The following RYR1 variants were observed in gnomAD, a reference collection of about 807,000 sequenced individuals.
RYR1 encodes central core disease of muscle.
A neutral mutation model predicts 583.5 loss-of-function variants in RYR1; 342 were observed. The observed-to-expected ratio is 0.59, with a 90% CI of 0.54 to 0.64. The LOEUF is 0.64. Among genes scored for constraint, RYR1 ranks in the 30% least tolerant of loss-of-function variants. RYR1 has a pLI of 0.00. For synonymous variants in RYR1, 2,791 were observed against 2,822.5 expected (o/e 0.99, Z 0.35); for missense variants, 6,032 against 6,917.2 (o/e 0.87, Z 4.54).
chr19:38,539,148 C>G (rs2459631), intron 84 of RYR1, among the ~76,000 whole-genome samples: 14,517 of 151,344 alleles, frequency 0.096, 1,433 homozygotes, highest in African/African-American at 0.25. Flanking sequence ...AGTATGATCT[C>G]TTTGTCTTGA....
intron 27 of RYR1, among the ~76,000 whole-genome samples, chr19:38,472,364 G>T (rs1015715683): frequency 1.3e-5 from 2 of 152,044 alleles, no homozygotes; most frequent in Non-Finnish European, 2.9e-5. Context: ...GCCTCCCAAA[G>T]TGCTGGGATT....
Position 38,580,453 on chromosome 19 carries a change from C to G in RYR1, c.14595C>G (p.Asn4865Lys). ...VAFNFFRKFY[N>K]KSEDEDEPDM... ...TCAACTTCTTCCGCAAGTTCTACAACAAGAGCGAGGATGAGGATGAACCTG... is the reference window on the plus strand; with the variant it reads ...TCAACTTCTTCCGCAAGTTCTACAAGAAGAGCGAGGATGAGGATGAACCTG... The change falls in exon 101 of 106, where the codon AAC becomes AAG. Residue 4865 changes from asparagine to lysine, a missense_variant. Around this residue, in one of 11 missense-constraint regions of RYR1, gnomAD observed 189 missense variants for 350.3 expected, o/e 0.54. Transcript: ENST00000359596. 2 of 1,614,182 alleles carry G rather than the reference C, an allele frequency of 1.2e-6. No individual in the cohort carries two copies.
At chr19:38,585,145 C>T (rs746893851) in intron 102 of RYR1, 46 bp downstream of exon 102, 1 of 1,601,518 alleles carries the variant, frequency 6.2e-7, no homozygotes, top group Admixed American at 1.7e-5. Flanking sequence ...CAGGCTAGCT[C>T]CATGGCTAAG....
intron 20 of RYR1, 63 bp from the exon 21 acceptor site, chr19:38,463,360 A>AGG: frequency 7.2e-7 from 1 of 1,395,484 alleles, no homozygotes; most frequent in East Asian, 2.3e-5. Flanking sequence ...TCTTGGAAAG[A>AGG]GGGGTCATGA....
In RYR1 at chr19:38,459,302, T is replaced by C. The variant is rs762109960; in HGVS notation, c.2324T>C (p.Leu775Pro). 3 of 1,613,946 alleles carry C rather than the reference T, an allele frequency of 1.9e-6. No individual in the cohort carries two copies. In the African/African-American group the frequency reaches 4.0e-5, roughly 22 times the overall value. The stretch of plus-strand genomic sequence containing the variant: ...TTTGAGTCCTTCAACCTGGACGGGC[T>C]CTTCTTCCCTGTTGTCAGCTTCTCG... ...GVFESFNLDG[L>P]FFPVVSFSAG... The change falls in exon 19 of 106, where the codon CTC becomes CCC. Residue 775 changes from leucine to proline, a missense_variant. Physicochemically the swap from Leu to Pro is moderately conservative, Grantham distance 98. Around this residue, in one of 11 missense-constraint regions of RYR1, gnomAD observed 2,627 missense variants for 2,961.3 expected, o/e 0.89. Transcript: ENST00000359596.
chr19:38,493,488 G>C (rs1969649698), intron 38 of RYR1, among the ~76,000 whole-genome samples: 1 of 151,354 alleles, frequency 6.6e-6, no homozygotes, highest in Admixed American at 6.6e-5. Context: ...CCCTGCCCAC[G>C]AGTTTAGATT....
chr19:38,473,795 G>C lies in RYR1; in HGVS notation c.4160+24G>C, dbSNP rs1968568447. On this transcript the variant is annotated intron_variant, in intron 28 of 105. Transcript: ENST00000359596. ...GGGTGAGTCGAGGGGGGCCCAGAGT[G>C]GGGATTGGGGGCTGCCTTGGGACCC... 2.7e-6 allele frequency: 4 copies of C among 1,480,550 alleles called. No individual in the cohort carries two copies. The African/African-American group carries it at 4.3e-5, about 16-fold the overall frequency. 91.7% of individuals were successfully genotyped at this position (1,480,550 alleles called of 1,614,324 possible).
chr19:38,513,737 A>G (rs561370585), intron 63 of RYR1, among the ~76,000 whole-genome samples: 1 of 146,982 alleles, frequency 6.8e-6, no homozygotes, highest in Non-Finnish European at 1.5e-5. Flanking sequence ...CTCCATCTCA[A>G]AAAAAAAAAA....
chr19:38,485,482 T>C lies in RYR1; in HGVS notation c.4935-108T>C, dbSNP rs574292166. 4.7e-5 allele frequency: 69 copies of C among 1,455,982 alleles called. 1 individual carries two copies. The East Asian group carries it at 1.4e-3, about 30-fold the overall frequency. 90.2% of individuals were successfully genotyped at this position (1,455,982 alleles called of 1,614,324 possible). A position where few individuals can be genotyped will look rare whatever the true frequency, so the allele number is the denominator to read the frequency against. ...GGTAGGGGTTTGAAGGAAAGACGAA[T>C]GAATAAATGGGTGGATAGTGATGAA... On this transcript the variant is annotated intron_variant, in intron 33 of 105. Transcript: ENST00000359596.
In RYR1 at chr19:38,546,404, G is replaced by A. The variant is rs752026436; in HGVS notation, c.12013-41G>A. Reference sequence around the variant, plus strand: ...GGGAGAAGCAACAGAGGTGGGGGAGGTGTATGCTGAGACCAGCCCTCACCG... The same window carrying A: ...GGGAGAAGCAACAGAGGTGGGGGAGATGTATGCTGAGACCAGCCCTCACCG... On this transcript the variant is annotated intron_variant, in intron 87 of 105. Transcript: ENST00000359596. 1.9e-6 allele frequency: 3 copies of A among 1,557,586 alleles called. No individual in the cohort carries two copies. In the East Asian group the frequency reaches 6.7e-5, roughly 35 times the overall value.
At chr19:38,521,867 C>G (rs897453466) in intron 67 of RYR1, among the ~76,000 whole-genome samples, 2 of 151,558 alleles carry the variant, frequency 1.3e-5, no homozygotes, top group African/African-American at 4.8e-5. Context: ...CCACCACACC[C>G]GGCTAATTTT....
chr19:38,507,873 C>T, intron 58 of RYR1, 46 bp downstream of exon 58: 1 of 1,219,132 alleles, frequency 8.2e-7, no homozygotes, highest in Non-Finnish European at 1.2e-6. Flanking sequence ...CCTGCAGACA[C>T]CAGTTCTGCA....
Position 38,500,741 on chromosome 19 carries a change from G to A in RYR1, c.7444+15G>A. The A allele has an allele frequency of 6.2e-7, 1 of 1,614,154 alleles. No homozygotes were observed. Among genetic ancestry groups the A allele is most frequent in the Non-Finnish European group, 8.5e-7 (1 of 1,180,030 alleles). ...CCTGGGCAAAGGTGCAGAGGGGATG[G>A]AACTTGGCGAAGGAGTGATGCTGGG... On this transcript the variant is annotated intron_variant, in intron 46 of 105. Transcript: ENST00000359596. This position sits in a 1 kb window ranked among gnomAD's most constrained non-coding sequence, Gnocchi z 5.9.
intron 58 of RYR1, among the ~76,000 whole-genome samples, chr19:38,509,539 G>A (rs1184341827): frequency 1.4e-5 from 2 of 147,520 alleles, no homozygotes; most frequent in East Asian, 4.0e-4. Context: ...TGCAGGCTCC[G>A]CCTCCAGATT....
rs1431390859 is a variant in RYR1, at chr19:38,502,906, A to G, written c.7862A>G (p.His2621Arg). The G allele has an allele frequency of 6.2e-7, 1 of 1,611,720 alleles. No homozygotes were observed. Among genetic ancestry groups the G allele is most frequent in the South Asian group, 1.1e-5 (1 of 91,062 alleles). Residue 2621 changes from histidine (H) to arginine (R), a missense_variant, in exon 49 of 106, where the codon CAC becomes CGC. This residue lies in a region of RYR1 where 250 missense variants were observed against 162.3 expected (regional missense o/e 1.54). Transcript: ENST00000359596. ...TACATCCGCCCGTCGATGCTGCAGC[A>G]CCTGTTGCGCCGCCTGGTGTTCGAC... The part of the protein sequence containing the change: ...CRYIRPSMLQ[H>R]LLRRLVFDVP...
At chr19:38,460,243 A>G (rs1967653390) in intron 19 of RYR1, 132 bp from the exon 20 acceptor site, 3 of 810,984 alleles carry the variant, frequency 3.7e-6, no homozygotes, top group Non-Finnish European at 6.5e-6. Flanking sequence ...CCAGGACACT[A>G]TGACTGCCCG....
chr19:38,550,216 C>G (rs1459736888), intron 89 of RYR1, among the ~76,000 whole-genome samples: 1 of 152,058 alleles, frequency 6.6e-6, no homozygotes, highest in Non-Finnish European at 1.5e-5. Flanking sequence ...GAATAAATTT[C>G]TTTCGTCAAT....
chr19:38,495,410 A>G lies in RYR1; in HGVS notation c.6548+785A>G, dbSNP rs1207534761. Among the ~76,000 whole-genome samples, 7 of 152,160 alleles carry G rather than the reference A, an allele frequency of 4.6e-5. No homozygotes were observed. In the East Asian group the frequency reaches 7.7e-4, roughly 17 times the overall value. Reference sequence around the variant, plus strand: ...GCCCAGGCTAGAGTGCAGTGGCCCAATCACAGCTCACTGCAGCCTCAACTT... The same window carrying G: ...GCCCAGGCTAGAGTGCAGTGGCCCAGTCACAGCTCACTGCAGCCTCAACTT... On this transcript the variant is annotated intron_variant, in intron 39 of 105. Coordinates refer to ENST00000359596, the MANE Select transcript of RYR1 (RefSeq NM_000540.3).
chr19:38,502,437 C>A, intron 47 of RYR1, 70 bp from the exon 48 acceptor site: 1 of 1,424,988 alleles, frequency 7.0e-7, no homozygotes, highest in Non-Finnish European at 9.6e-7. Flanking sequence ...TGGCCACAGT[C>A]GCTCAAGACA....
Sources: gnomAD v4.1 joint callset for allele counts (sites outside exome capture counted in the v4.1 genomes callset) on GRCh38, gnomAD v4.1.1 for gene constraint, gnomAD v4.1.1 regional missense constraint, Gnocchi (gnomAD v3.1) non-coding constraint, MANE v1.5 for transcripts, NCBI Gene and HGNC (gene_info 2026-07-23, HGNC 2026-07-21) for gene names.